The following MYO1H variants were observed in gnomAD, a reference collection of about 807,000 sequenced individuals.
MYO1H encodes myosin IH, also known as unconventional myosin-Ih.
A neutral mutation model predicts 149.3 loss-of-function variants in MYO1H; 118 were observed. The ratio of observed to expected loss-of-function variants is 0.79; its 90% confidence interval spans 0.68 to 0.92. MYO1H has a LOEUF of 0.92. Ranked by LOEUF, MYO1H falls within the 40% of genes least tolerant of loss-of-function variation. The pLI is 0.00. For missense variants in MYO1H, 1,212 were observed against 1,280.7 expected (o/e 0.95, Z 0.82); for synonymous variants, 447 against 465.2 (o/e 0.96, Z 0.50).
At chr12:109,312,995 C>G in the MYO1H span, among the ~76,000 whole-genome samples, 15 of 151,900 alleles carry the variant, frequency 9.9e-5, no homozygotes, top group African/African-American at 3.1e-4. Context: ...AATCCCTGCA[C>G]TTTGGGAGGC....
chr12:109,324,829 C>A, the MYO1H span, among the ~76,000 whole-genome samples: 1 of 151,932 alleles, frequency 6.6e-6, no homozygotes, highest in Non-Finnish European at 1.5e-5. Flanking sequence ...GGTTTTAAGC[C>A]CTGCATGCAT....
exon 23 of MYO1H, chr12:109,438,587 A>G (rs1293091529): frequency 6.2e-7 from 1 of 1,613,206 alleles, no homozygotes; most frequent in Non-Finnish European, 8.5e-7. Context: ...AAGGCAATCC[A>G]AAGGAGAAAG....
intron 26 of MYO1H, 105 bp from the exon 27 acceptor site, chr12:109,442,112 G>T: frequency 1.1e-6 from 1 of 928,690 alleles, no homozygotes. Flanking sequence ...TTCCCCACCT[G>T]AGATCTTAGC....
the MYO1H span, among the ~76,000 whole-genome samples, chr12:109,321,249 A>G: frequency 6.6e-6 from 1 of 152,038 alleles, no homozygotes; most frequent in Middle Eastern, 3.2e-3. Context: ...CTCTAGACCT[A>G]GAATACAAAT....
intron 14 of MYO1H, among the ~76,000 whole-genome samples, chr12:109,412,465 T>C (rs138317444): frequency 1.7e-3 from 258 of 152,336 alleles, no homozygotes; most frequent in Non-Finnish European, 3.2e-3. Context: ...GACACAAGTA[T>C]GATTTTTTAA....
At chr12:109,428,643 T>A (rs1466025454) in intron 19 of MYO1H, among the ~76,000 whole-genome samples, 1 of 152,214 alleles carries the variant, frequency 6.6e-6, no homozygotes, top group Admixed American at 6.5e-5. Flanking sequence ...GTTCAACCAA[T>A]ATTTTGAGTG....
chr12:109,419,831 G>A (rs1391967627), intron 15 of MYO1H, among the ~76,000 whole-genome samples: 3 of 150,760 alleles, frequency 2.0e-5, no homozygotes, highest in Admixed American at 6.6e-5. Context: ...AAAGTGCTGG[G>A]ATCACAGGCA....
the MYO1H span, among the ~76,000 whole-genome samples, chr12:109,321,582 A>G: frequency 0.018 from 2,711 of 152,250 alleles, 328 homozygotes; most frequent in Admixed American, 0.16. Flanking sequence ...AAATCAATGG[A>G]AAAGATAGGA....
chr12:109,389,083 T>C (rs185103050), intron 2 of MYO1H, among the ~76,000 whole-genome samples: 164 of 152,308 alleles, frequency 1.1e-3, no homozygotes, highest in Non-Finnish European at 1.9e-3. Flanking sequence ...TCTGTTACTG[T>C]AGGTCCCGGG....
At chr12:109,417,477 G>A (rs769144352) in intron 15 of MYO1H, among the ~76,000 whole-genome samples, 55 of 151,910 alleles carry the variant, frequency 3.6e-4, no homozygotes, top group South Asian at 2.5e-3. Flanking sequence ...ACAGGTGCCC[G>A]CCACCACACC....
At chr12:109,407,752 CT>C (rs1164210510) in intron 9 of MYO1H, 41 bp from the exon 10 acceptor site, 1 of 1,597,608 alleles carries the variant, frequency 6.3e-7, no homozygotes, top group East Asian at 2.2e-5. Flanking sequence ...CTGGGGGCTT[CT>C]TTTTTCCACC....
At chr12:109,344,565 T>A (rs2048096560), upstream of MYO1H, among the ~76,000 whole-genome samples, 1 of 152,198 alleles carries the variant, frequency 6.6e-6, no homozygotes, top group Admixed American at 6.6e-5. Context: ...CTCCCCAAAT[T>A]GACCTACATA....
At chr12:109,340,391 A>G in the MYO1H span, among the ~76,000 whole-genome samples, 4 of 152,024 alleles carry the variant, frequency 2.6e-5, no homozygotes, top group South Asian at 8.3e-4. Context: ...CTGGTCTCGA[A>G]CTCCTGACCT....
Position 109,403,988 on chromosome 12 carries a change from T to TG in MYO1H, c.758dup (p.Cys253TrpfsTer8). Reference sequence around the variant, plus strand: ...TCAAACTTTTTGTCAACAGGGTCATTGTGCCAAAGAGTCATCCATTAGTGA... The same window carrying TG: ...TCAAACTTTTTGTCAACAGGGTCATTGGTGCCAAAGAGTCATCCATTAGTGA... On this transcript the variant is annotated frameshift_variant, in exon 7 of 32. Transcript: ENST00000310903. LOFTEE classifies it high-confidence loss of function. 1.2e-6 allele frequency: 2 copies of TG among 1,612,856 alleles called. No individual in the cohort carries two copies. Among genetic ancestry groups the TG allele is most frequent in the South Asian group, 2.2e-5 (2 of 90,886 alleles).
At chr12:109,336,841 C>T in the MYO1H span, among the ~76,000 whole-genome samples, 4 of 152,164 alleles carry the variant, frequency 2.6e-5, no homozygotes, top group South Asian at 2.1e-4. Flanking sequence ...TGCCCATTCC[C>T]GAACCAATTG....
chr12:109,386,582 C>T (rs1178580815), intron 1 of MYO1H, among the ~76,000 whole-genome samples: 1 of 152,098 alleles, frequency 6.6e-6, no homozygotes, highest in African/African-American at 2.4e-5. Context: ...TTTGTGTTTC[C>T]CTGATGACTA....
chr12:109,356,800 A>G (rs1425467596), intron 1 of MYO1H, among the ~76,000 whole-genome samples: 1 of 152,194 alleles, frequency 6.6e-6, no homozygotes, highest in East Asian at 1.9e-4. Flanking sequence ...CTGCAGCTGG[A>G]TAATAAAACA....
chr12:109,400,015 A>G (rs1363333458), intron 5 of MYO1H, among the ~76,000 whole-genome samples: 1 of 152,030 alleles, frequency 6.6e-6, no homozygotes. Flanking sequence ...GGTTCATTTC[A>G]CTGGTCATTG....
At position 109,435,176 on chromosome 12, in the gene MYO1H, G is replaced by A. The variant is rs1172064110; in HGVS notation, c.2140+63G>A. The A allele has an allele frequency of 6.0e-6, 7 of 1,167,828 alleles. No individual in the cohort carries two copies. The East Asian group carries it at 7.1e-5, about 12-fold the overall frequency. 72.3% of individuals were successfully genotyped at this position (1,167,828 alleles called of 1,614,324 possible). Reference sequence around the variant, plus strand: ...TGAAATGAACAAGTGGAGCTTGGGGGTAAATCTTAAACACGGGTGTTTGAT... The same window carrying A: ...TGAAATGAACAAGTGGAGCTTGGGGATAAATCTTAAACACGGGTGTTTGAT... On this transcript the variant is annotated intron_variant, in intron 21 of 31. Coordinates refer to ENST00000310903, the Ensembl canonical transcript of MYO1H.
Sources: gnomAD v4.1 joint callset for allele counts (sites outside exome capture counted in the v4.1 genomes callset) on GRCh38, gnomAD v4.1.1 for gene constraint, MANE v1.5 for transcripts, NCBI Gene and HGNC (gene_info 2026-07-23, HGNC 2026-07-21) for gene names.